Variants in LTBP2 observed in about 807,000 individuals in gnomAD.
LTBP2 encodes the protein latent transforming growth factor beta binding protein 2, also known as latent-transforming growth factor beta-binding protein 2.
Under a neutral mutation model 210.6 loss-of-function variants are expected in LTBP2, and 103 were observed. The ratio of observed to expected loss-of-function variants is 0.49; its 90% confidence interval spans 0.42 to 0.58. The LOEUF (loss-of-function observed/expected upper bound fraction) is 0.58. Among genes scored for constraint, LTBP2 ranks in the 20% least tolerant of loss-of-function variants. LTBP2 has a pLI of 0.00. For missense variants in LTBP2, 2,313 were observed against 2,494.5 expected (o/e 0.93, Z 1.55); for synonymous variants, 1,007 against 1,015.0 (o/e 0.99, Z 0.15).
chr14:74,516,903 C>G lies in LTBP2; in HGVS notation c.2827G>C (p.Gly943Arg). 6.4e-7 allele frequency: 1 copy of G among 1,551,952 alleles called. No individual in the cohort carries two copies. The highest frequency in any genetic ancestry group is 8.7e-7 in the Non-Finnish European group (1 of 1,147,128). The change falls in exon 18 of 36, where the codon GGG becomes CGG. Residue 943 changes from glycine (G) to arginine (R), a missense_variant. Physicochemically the swap from Gly to Arg is moderately radical, Grantham distance 125. Around this residue, in one of 3 missense-constraint regions of LTBP2, gnomAD observed 1,867 missense variants for 1,976.9 expected, o/e 0.94. Transcript: ENST00000261978. ...GAGCCCTCGGTGTTGGTGCACTGCCCCCCGCTGCACACCCCTGGCTGCTCA... is the reference window on the plus strand; with the variant it reads ...GAGCCCTCGGTGTTGGTGCACTGCCGCCCGCTGCACACCCCTGGCTGCTCA... ...ECEQPGVCSG[G>R]QCTNTEGSYH...
chr14:74,503,185 A>C lies in LTBP2; in HGVS notation c.4888+34T>G, dbSNP rs1389653300. 4 of 1,611,048 alleles carry C rather than the reference A, an allele frequency of 2.5e-6. No homozygotes were observed. In the African/African-American group the frequency reaches 5.3e-5, roughly 22 times the overall value. The stretch of plus-strand genomic sequence containing the variant: ...CATCCCCCTCCCTGGGGCCTGGCCC[A>C]GCCCTGCAGGGTATCCCCTTTGCTC... On this transcript the variant is annotated intron_variant, in intron 33 of 35. Transcript: ENST00000261978.
At chr14:74,585,744 A>AGGACTCT in intron 3 of LTBP2, 110 bp downstream of exon 3, 1 of 1,522,358 alleles carries the variant, frequency 6.6e-7, no homozygotes, top group Non-Finnish European at 9.0e-7. Flanking sequence ...GAGAGAAGGG[A>AGGACTCT]GGACTCTGCG....
Position 74,501,575 on chromosome 14 carries a change from A to G in LTBP2, c.5186T>C (p.Phe1729Ser), listed in dbSNP as rs1206162999. 2 of 1,613,914 alleles carry G rather than the reference A, an allele frequency of 1.2e-6. No individual in the cohort carries two copies. Among genetic ancestry groups the G allele is most frequent in the African/African-American group, 2.7e-5 (2 of 74,906 alleles). Residue 1729 changes from phenylalanine (F) to serine (S), a missense_variant, in exon 35 of 36, where the codon TTC (phenylalanine) becomes TCC (serine). Phe to Ser is a radical substitution (Grantham distance 155). Transcript: ENST00000261978. The part of the protein sequence containing the change: ...VASHPEPPAG[F>S]EGLQAEECGI... ...GCACTCCTCCGCCTGAAGCCCTTCG[A>G]AGCCGGCTGGGGGCTCTGGGAGGAG... is the stretch of plus-strand genomic sequence containing the variant.
At chr14:74,580,135 G>A (rs1408770385) in intron 3 of LTBP2, among the ~76,000 whole-genome samples, 1 of 152,180 alleles carries the variant, frequency 6.6e-6, no homozygotes, top group Admixed American at 6.5e-5. Flanking sequence ...CCAGGTGGGA[G>A]GTGGGGAGGA....
intron 3 of LTBP2, among the ~76,000 whole-genome samples, chr14:74,566,086 T>A (rs2087898904): frequency 1.3e-5 from 2 of 152,200 alleles, no homozygotes; most frequent in East Asian, 3.8e-4. Context: ...TTTTTTAATT[T>A]TTTTTATGCA....
At chr14:74,506,879 G>GT in intron 26 of LTBP2, 56 bp from the exon 27 acceptor site, 1 of 700,720 alleles carries the variant, frequency 1.4e-6, no homozygotes, top group Non-Finnish European at 2.0e-6. Flanking sequence ...GTGTGTGTGT[G>GT]CGCGCGCGCG....
At chr14:74,561,321 GA>G (rs906499034) in intron 3 of LTBP2, among the ~76,000 whole-genome samples, 3 of 149,506 alleles carry the variant, frequency 2.0e-5, no homozygotes, top group Non-Finnish European at 4.5e-5. Flanking sequence ...CCCTCTCAAA[GA>G]AAAAAAAAGA....
intron 28 of LTBP2, 57 bp from the exon 29 acceptor site, chr14:74,505,231 A>G: frequency 1.3e-6 from 2 of 1,565,406 alleles, no homozygotes; most frequent in Non-Finnish European, 1.7e-6. Context: ...GGGGGTCAAT[A>G]GTCCTTGACT....
chr14:74,571,954 A>G (rs1448591963), intron 3 of LTBP2, among the ~76,000 whole-genome samples: 2 of 132,968 alleles, frequency 1.5e-5, no homozygotes, highest in Non-Finnish European at 3.6e-5. Flanking sequence ...TTGTAGGAGA[A>G]ATAAGGAGAA....
chr14:74,611,911 GC>G lies in LTBP2; in HGVS notation c.33del (p.Arg12AlafsTer29). Reference sequence around the variant, plus strand: ...CCTCTCCAGGGGTTCCGCAGGGCGCGCCCCGGGCTGCGGGCTTTGGTCCGCG... The same window carrying G: ...CCTCTCCAGGGGTTCCGCAGGGCGCGCCCGGGCTGCGGGCTTTGGTCCGCG... MRPRTKARSP[G>X]RALRNPWRGF... On this transcript the variant is annotated frameshift_variant, in exon 1 of 36. Transcript: ENST00000261978. LOFTEE classifies it high-confidence loss of function. 6.3e-7 allele frequency: 1 copy of G among 1,593,178 alleles called. No homozygotes were observed. Among genetic ancestry groups the G allele is most frequent in the Non-Finnish European group, 8.5e-7 (1 of 1,173,272 alleles).
At position 74,500,572 on chromosome 14, in the gene LTBP2, A is replaced by G. The variant is rs534807623; in HGVS notation, c.*312T>C. 128 of 495,138 alleles carry G rather than the reference A, an allele frequency of 2.6e-4. No individual in the cohort carries two copies. The highest frequency in any genetic ancestry group is 4.4e-4 in the Non-Finnish European group (117 of 268,196). The allele number at this position is 495,138 out of a possible 1,614,324, so 30.7% of individuals were successfully genotyped here. A position where few individuals can be genotyped will look rare whatever the true frequency, so the allele number is the denominator to read the frequency against. ...GCCATGGGGCCTTGCATGCTCGCAC[A>G]GCTTGGGAGGGTGGATGAGGGCCAT... is the stretch of plus-strand genomic sequence containing the variant. On this transcript the variant is annotated 3_prime_UTR_variant, in exon 36 of 36. Coordinates refer to ENST00000261978, the MANE Select transcript of LTBP2 (RefSeq NM_000428.3).
chr14:74,564,854 G>C (rs2087881816), intron 3 of LTBP2, among the ~76,000 whole-genome samples: 1 of 152,144 alleles, frequency 6.6e-6, no homozygotes, highest in Non-Finnish European at 1.5e-5. Context: ...CCTTGCAGAA[G>C]GTGGCTGAAC....
rs1173080915 is a variant in LTBP2, at chr14:74,528,508, A to G, written c.2343T>C (p.Leu781=). 10 of 1,612,008 alleles carry G rather than the reference A, an allele frequency of 6.2e-6. No individual in the cohort carries two copies. Among genetic ancestry groups the G allele is most frequent in the Non-Finnish European group, 6.8e-6 (8 of 1,180,028 alleles). Residue 781 remains leucine, a synonymous_variant, in exon 12 of 36, where the codon CTT becomes CTC. Coordinates refer to ENST00000261978, the MANE Select transcript of LTBP2 (RefSeq NM_000428.3). ...QPLRVVTDTW[L]EAGTIPDKGD... is the part of the protein sequence containing the mutation. The stretch of plus-strand genomic sequence containing the variant: ...CCTTGTCAGGGATGGTCCCGGCCTC[A>G]AGCCAGGTGTCCGTGACGACCCGGA...
chr14:74,553,923 CGTGTGTGTGT>C (rs34143485), intron 4 of LTBP2, among the ~76,000 whole-genome samples: 1,559 of 130,626 alleles, frequency 0.012, 46 homozygotes, highest in African/African-American at 0.044. Flanking sequence ...AGCGGAGAAA[CGTGTGTGTGT>C]GTGTGTGTGT....
intron 8 of LTBP2, among the ~76,000 whole-genome samples, chr14:74,537,147 C>T (rs1442677174): frequency 1.3e-5 from 2 of 150,670 alleles, no homozygotes; most frequent in East Asian, 3.9e-4. Context: ...AACATTCCCC[C>T]TTACTTTACA....
intron 21 of LTBP2, 90 bp downstream of exon 21, chr14:74,509,644 C>T: frequency 6.3e-7 from 1 of 1,580,532 alleles, no homozygotes; most frequent in South Asian, 1.1e-5. Context: ...CCCTCGGCAT[C>T]AGCCCCAAAC....
chr14:74,505,107 G>T lies in LTBP2; in HGVS notation c.4245C>A (p.Ser1415=), dbSNP rs558149042. ...APAPTRMDCY[S]GQKGHAPCSS... ...AGCAGGGCGCATGGCCCTTCTGCCC[G>T]GAGTAGCAGTCCATGCGGGTGGGGG... Residue 1415 remains serine, a synonymous_variant, in exon 29 of 36, where the codon TCC becomes TCA. Coordinates refer to ENST00000261978, the MANE Select transcript of LTBP2 (RefSeq NM_000428.3). 1 of 1,613,952 alleles carries T rather than the reference G, an allele frequency of 6.2e-7. No individual in the cohort carries two copies. Among genetic ancestry groups the T allele is most frequent in the Admixed American group, 1.7e-5 (1 of 60,030 alleles).
At chr14:74,574,368 C>G (rs10142883) in intron 3 of LTBP2, among the ~76,000 whole-genome samples, 15,052 of 152,194 alleles carry the variant, frequency 0.099, 1,082 homozygotes, top group African/African-American at 0.2. Context: ...AACCTCTGCA[C>G]CCCTGTGCTC....
intron 3 of LTBP2, among the ~76,000 whole-genome samples, chr14:74,583,470 C>G (rs1370508332): frequency 6.6e-6 from 1 of 152,264 alleles, no homozygotes; most frequent in Non-Finnish European, 1.5e-5. Flanking sequence ...GGCATTGAGG[C>G]CCCAGGGCAC....
Sources: allele counts gnomAD v4.1 joint callset (sites outside exome capture counted in the v4.1 genomes callset), GRCh38; gene constraint gnomAD v4.1.1; regional missense constraint gnomAD v4.1.1; transcripts MANE v1.5; gene names NCBI Gene and HGNC (gene_info 2026-07-23, HGNC 2026-07-21).